The following PAK5 variants were observed in gnomAD, a reference collection of about 807,000 sequenced individuals.
The protein encoded by PAK5 is p21 (RAC1) activated kinase 5.
In PAK5, 16 loss-of-function variants were observed where a neutral mutation model predicts 65.9. That is an observed-to-expected ratio of 0.24 (90% CI 0.16 to 0.37). The LOEUF is 0.37. Among genes scored for constraint, PAK5 ranks in the 10% least tolerant of loss-of-function variants. The probability of loss-of-function intolerance (pLI) is 1.00; values close to 1 mark genes in which losing one functional copy is unlikely to be tolerated. For missense variants in PAK5, 785 were observed against 903.9 expected (o/e 0.87, Z 1.69); for synonymous variants, 371 against 354.9 (o/e 1.05, Z -0.51).
At chr20:9,697,921 A>AAACATTGACT (rs1476948083) in intron 2 of PAK5, among the ~76,000 whole-genome samples, 1 of 152,044 alleles carries the variant, frequency 6.6e-6, no homozygotes, top group Non-Finnish European at 1.5e-5. Flanking sequence ...TGATTTAGTA[A>AAACATTGACT]AACATTGACT....
intron 1 of PAK5, among the ~76,000 whole-genome samples, chr20:9,831,207 G>T (rs985500992): frequency 1.3e-5 from 2 of 151,886 alleles, no homozygotes; most frequent in African/African-American, 4.8e-5. Flanking sequence ...GTTTTGGGGG[G>T]TGTGTGTGTG....
Position 9,710,640 on chromosome 20 carries a change from G to A in PAK5, c.-12+646C>T, listed in dbSNP as rs1225702144. 7.2e-5 allele frequency among the ~76,000 whole-genome samples: 11 copies of A among 152,040 alleles called. 1 individual carries two copies. In the South Asian group the frequency reaches 8.3e-4, roughly 11 times the overall value. On this transcript the variant is annotated intron_variant, in intron 2 of 9. Coordinates refer to ENST00000353224, the MANE Select transcript of PAK5 (RefSeq NM_177990.4). ...GTACCCATGTGTGGGGGGTAGTAGC[G>A]ACCCCCACACATACTAATTGGCTAT...
chr20:9,752,605 A>G (rs766024447), intron 1 of PAK5, among the ~76,000 whole-genome samples: 2 of 152,196 alleles, frequency 1.3e-5, no homozygotes, highest in Non-Finnish European at 2.9e-5. Flanking sequence ...ATGCATCAAA[A>G]TATCACACAT....
In PAK5 at chr20:9,537,871, C is replaced by A; in HGVS notation, c.*1591G>T. ...TAATCAGTAGAAGGTCATTTTATGC[C>A]TTTTTTCCTTTTTAGCAGTGATAAA... On this transcript the variant is annotated 3_prime_UTR_variant, in exon 10 of 10. Transcript: ENST00000353224. 1 of 228,064 alleles carries A rather than the reference C, an allele frequency of 4.4e-6. No homozygotes were observed. Among genetic ancestry groups the A allele is most frequent in the East Asian group, 6.4e-5 (1 of 15,670 alleles). 14.1% of individuals were successfully genotyped at this position (228,064 alleles called of 1,614,324 possible).
intron 3 of PAK5, among the ~76,000 whole-genome samples, chr20:9,599,231 CA>C (rs2046320784): frequency 6.6e-6 from 1 of 152,122 alleles, no homozygotes; most frequent in African/African-American, 2.4e-5. Flanking sequence ...TAATATCTAC[CA>C]CATTTTGTTT....
chr20:9,616,819 G>A (rs957211050), intron 3 of PAK5, among the ~76,000 whole-genome samples: 1 of 152,226 alleles, frequency 6.6e-6, no homozygotes, highest in Non-Finnish European at 1.5e-5. Flanking sequence ...TGGGTAGTGG[G>A]TGGAATGTGG....
At chr20:9,655,957 C>A (rs916384372) in intron 2 of PAK5, among the ~76,000 whole-genome samples, 3 of 152,008 alleles carry the variant, frequency 2.0e-5, no homozygotes, top group Non-Finnish European at 4.4e-5. Context: ...AAACTAATGA[C>A]CTCATTTTAA....
chr20:9,555,040 C>T lies in PAK5; in HGVS notation c.1743+2568G>A, dbSNP rs150826282. 5.3e-5 allele frequency among the ~76,000 whole-genome samples: 8 copies of T among 152,318 alleles called. No individual in the cohort carries two copies. The East Asian group carries it at 9.6e-4, about 18-fold the overall frequency. Reference sequence around the variant, plus strand: ...ATCCTAGGAAACTTAGTATTTATCACCCCTTGTTTGGTGGGGATTTTGTTT... The same window carrying T: ...ATCCTAGGAAACTTAGTATTTATCATCCCTTGTTTGGTGGGGATTTTGTTT... On this transcript the variant is annotated intron_variant, in intron 7 of 9. Coordinates refer to ENST00000353224, the MANE Select transcript of PAK5 (RefSeq NM_177990.4).
At position 9,798,434 on chromosome 20, in the gene PAK5, A is replaced by G. The variant is rs553578932; in HGVS notation, c.-162+40328T>C. Among the ~76,000 whole-genome samples, 8 of 152,240 alleles carry G rather than the reference A, an allele frequency of 5.3e-5. No homozygotes were observed. The East Asian group carries it at 1.5e-3, about 29-fold the overall frequency. On this transcript the variant is annotated intron_variant, in intron 1 of 9. Transcript: ENST00000353224. ...ACAGGGTTGGCCTTTGACTTTCTCC[A>G]GGAAAGAAAAGGCAGAAGGAGAAAA...
intron 1 of PAK5, among the ~76,000 whole-genome samples, chr20:9,833,567 T>C (rs192450362): frequency 1.0e-3 from 154 of 151,764 alleles, no homozygotes; most frequent in African/African-American, 3.5e-3. Flanking sequence ...CACCTGTATG[T>C]ACCACCACCT....
intron 1 of PAK5, among the ~76,000 whole-genome samples, chr20:9,798,170 A>G (rs1324078603): frequency 6.6e-6 from 1 of 152,122 alleles, no homozygotes; most frequent in African/African-American, 2.4e-5. Flanking sequence ...TAGGGAATAG[A>G]AAATATAGGA....
chr20:9,745,208 T>G (rs2048492669), intron 1 of PAK5, among the ~76,000 whole-genome samples: 1 of 152,140 alleles, frequency 6.6e-6, no homozygotes, highest in African/African-American at 2.4e-5. Context: ...GTTGTCAGTA[T>G]CAAGTTATTT....
chr20:9,676,382 T>C (rs1284689624), intron 2 of PAK5, among the ~76,000 whole-genome samples: 2 of 152,212 alleles, frequency 1.3e-5, no homozygotes, highest in African/African-American at 2.4e-5. Context: ...AATATTACAC[T>C]TGATCTTTTT....
chr20:9,782,687 C>A (rs2048953223), intron 1 of PAK5, among the ~76,000 whole-genome samples: 1 of 152,108 alleles, frequency 6.6e-6, no homozygotes, highest in South Asian at 2.1e-4. Flanking sequence ...ACTTGCTTTG[C>A]ATCAGGCATT....
intron 2 of PAK5, among the ~76,000 whole-genome samples, chr20:9,657,623 G>A (rs57013129): frequency 0.011 from 1,667 of 152,202 alleles, 22 homozygotes; most frequent in African/African-American, 0.038. Flanking sequence ...AATTAAAGAT[G>A]TACCTTACAT....
At chr20:9,786,433 C>G (rs903119536) in intron 1 of PAK5, among the ~76,000 whole-genome samples, 3 of 152,130 alleles carry the variant, frequency 2.0e-5, no homozygotes, top group African/African-American at 7.2e-5. Flanking sequence ...TCATCTTGTA[C>G]CTTGCTTCCT....
At chr20:9,807,078 T>C (rs1484838177) in intron 1 of PAK5, among the ~76,000 whole-genome samples, 1 of 152,124 alleles carries the variant, frequency 6.6e-6, no homozygotes, top group Non-Finnish European at 1.5e-5. Context: ...ATTGCCTCCT[T>C]CTCATATGGA....
intron 1 of PAK5, among the ~76,000 whole-genome samples, chr20:9,801,518 C>T (rs1253851409): frequency 6.6e-6 from 1 of 150,690 alleles, no homozygotes; most frequent in Non-Finnish European, 1.5e-5. Flanking sequence ...TAGATATACA[C>T]ACACACATAC....
intron 7 of PAK5, among the ~76,000 whole-genome samples, chr20:9,551,650 C>G (rs1003163476): frequency 6.6e-6 from 1 of 152,158 alleles, no homozygotes; most frequent in East Asian, 1.9e-4. Flanking sequence ...AGGGTCTTGG[C>G]TAATGCAAAA....
Sources: allele counts gnomAD v4.1 joint callset (sites outside exome capture counted in the v4.1 genomes callset), GRCh38; gene constraint gnomAD v4.1.1; transcripts MANE v1.5; gene names NCBI Gene and HGNC (gene_info 2026-07-23, HGNC 2026-07-21).